Variants in CCDC88A observed in about 807,000 individuals in gnomAD.
The protein encoded by CCDC88A is coiled-coil and HOOK domain protein 88A, also known as girdin.
In CCDC88A, 54 loss-of-function variants were observed where a neutral mutation model predicts 234.3. The ratio of observed to expected loss-of-function variants is 0.23; its 90% CI spans 0.19 to 0.29. The LOEUF (loss-of-function observed/expected upper bound fraction) is 0.29, where lower values mean the gene tolerates loss of function less well. Ranked by LOEUF, CCDC88A falls within the 10% of genes least tolerant of loss-of-function variation. The probability of loss-of-function intolerance (pLI) is 1.00; values close to 1 mark genes in which losing one functional copy is unlikely to be tolerated. For missense variants in CCDC88A, 1,832 were observed against 2,123.4 expected (o/e 0.86, Z 2.70); for synonymous variants, 753 against 737.8 (o/e 1.02, Z -0.33).
chr2:55,353,031 G>T (rs997482702), intron 8 of CCDC88A, among the ~76,000 whole-genome samples: 2 of 152,122 alleles, frequency 1.3e-5, no homozygotes, highest in African/African-American at 4.8e-5. Flanking sequence ...GAAGATATTA[G>T]ATGGTATTTG....
intron 6 of CCDC88A, 128 bp from the exon 7 acceptor site, chr2:55,362,576 TA>T (rs1213320041): frequency 1.9e-5 from 12 of 620,394 alleles, no homozygotes; most frequent in Admixed American, 4.1e-5. Flanking sequence ...AATATGATGT[TA>T]AAAGGAGAAC....
intron 2 of CCDC88A, among the ~76,000 whole-genome samples, chr2:55,414,820 C>G (rs1343576903): frequency 6.6e-6 from 1 of 151,954 alleles, no homozygotes; most frequent in Non-Finnish European, 1.5e-5. Flanking sequence ...AATCCCAGCA[C>G]TTTGGGAGGC....
At chr2:55,405,096 C>T (rs933466083) in intron 2 of CCDC88A, 1 of 152,208 alleles carries the variant, frequency 6.6e-6, no homozygotes, top group Non-Finnish European at 1.5e-5. Flanking sequence ...TTGTACTATT[C>T]CTCAACTTGG....
intron 26 of CCDC88A, 40 bp downstream of exon 26, chr2:55,303,029 G>A (rs759914557): frequency 1.9e-5 from 23 of 1,198,376 alleles, no homozygotes; most frequent in Non-Finnish European, 2.4e-5. Context: ...GAAAGCCAGT[G>A]TAGTCAGTTG....
rs141098812 is a variant in CCDC88A, at chr2:55,419,490, A to G, written c.-411T>C. The G allele has an allele frequency of 9.7e-5, 18 of 184,690 alleles. No individual in the cohort carries two copies. In the East Asian group the frequency reaches 2.8e-3, roughly 29 times the overall value. The allele number at this position is 184,690 out of a possible 1,614,324, so 11.4% of individuals were successfully genotyped here. ...CAACGGGGGCTAAATGAAATACGTT[A>G]AACAGAGACCACGTTAAGGATACCG... On this transcript the variant is annotated 5_prime_UTR_variant, in exon 1 of 33. Coordinates refer to ENST00000436346, the MANE Select transcript of CCDC88A (RefSeq NM_001365480.1).
chr2:55,297,952 A>G (rs1220457850), intron 29 of CCDC88A, among the ~76,000 whole-genome samples: 1 of 152,192 alleles, frequency 6.6e-6, no homozygotes, highest in East Asian at 1.9e-4. Flanking sequence ...ATACAATCAA[A>G]TATGTAGTGC....
chr2:55,396,390 G>A (rs1200328644), intron 2 of CCDC88A, among the ~76,000 whole-genome samples: 2 of 151,800 alleles, frequency 1.3e-5, no homozygotes, highest in African/African-American at 2.4e-5. Flanking sequence ...TCTCATCTAT[G>A]ACTGTCTCCT....
At chr2:55,406,822 C>A (rs1679669491) in intron 2 of CCDC88A, among the ~76,000 whole-genome samples, 1 of 152,022 alleles carries the variant, frequency 6.6e-6, no homozygotes, top group South Asian at 2.1e-4. Flanking sequence ...TTCCGTGGTC[C>A]TTCACCACCC....
intron 2 of CCDC88A, among the ~76,000 whole-genome samples, chr2:55,416,370 C>G (rs1681384088): frequency 7.3e-6 from 1 of 136,182 alleles, no homozygotes; most frequent in South Asian, 2.3e-4. Flanking sequence ...AGTTTTAAGA[C>G]AACATCAAAG....
intron 17 of CCDC88A, among the ~76,000 whole-genome samples, chr2:55,324,676 C>T (rs551398555): frequency 6.6e-5 from 10 of 151,684 alleles, no homozygotes; most frequent in Non-Finnish European, 1.3e-4. Context: ...GATGGAGTCT[C>T]GCTCTGTCGC....
At chr2:55,381,651 A>G (rs1238849346) in intron 3 of CCDC88A, among the ~76,000 whole-genome samples, 1 of 152,182 alleles carries the variant, frequency 6.6e-6, no homozygotes, top group Non-Finnish European at 1.5e-5. Flanking sequence ...TGTAAGAAAG[A>G]CTACTTCACA....
chr2:55,405,425 G>A (rs1163722317), intron 2 of CCDC88A: 1 of 152,036 alleles, frequency 6.6e-6, no homozygotes, highest in East Asian at 1.9e-4. Context: ...ACAGATTAAT[G>A]AAAGAAAAGA....
At chr2:55,388,699 T>G in intron 3 of CCDC88A, 79 bp downstream of exon 3, 1 of 643,508 alleles carries the variant, frequency 1.6e-6, no homozygotes. Context: ...CGTTTAAATA[T>G]TTGTGAGATG....
intron 3 of CCDC88A, among the ~76,000 whole-genome samples, chr2:55,384,773 C>T (rs1331022575): frequency 6.6e-6 from 1 of 151,386 alleles, no homozygotes; most frequent in Non-Finnish European, 1.5e-5. Flanking sequence ...TCGTGCGCCT[C>T]AGCCTCCCAA....
Position 55,335,230 on chromosome 2 carries a change from C to CA in CCDC88A, c.1657-67dup. 1.0e-6 allele frequency: 1 copy of CA among 995,038 alleles called. No homozygotes were observed. 61.6% of individuals were successfully genotyped at this position (995,038 alleles called of 1,614,324 possible). On this transcript the variant is annotated intron_variant, in intron 14 of 32. Transcript: ENST00000436346. This position sits in a 1 kb window ranked among gnomAD's most constrained non-coding sequence, Gnocchi z 4.5. ...AAAACTAACTATGGTTTATCTCTTC[C>CA]AAAAACTACCAAGAAAAGGGGAACA... is the stretch of plus-strand genomic sequence containing the variant.
rs1679276518 is a variant in CCDC88A, at chr2:55,289,235, G to A, written c.*1965C>T. ...CTACATCACCACCCATTAAATTTCA[G>A]CTTTTCAGTAATTGTTCTGGGATGT... On this transcript the variant is annotated 3_prime_UTR_variant, in exon 33 of 33. Transcript: ENST00000436346. The A allele has an allele frequency of 6.6e-6, 1 of 152,582 alleles. No individual in the cohort carries two copies. The highest frequency in any genetic ancestry group is 2.4e-5 in the African/African-American group (1 of 41,436). 9.5% of individuals were successfully genotyped at this position (152,582 alleles called of 1,614,324 possible).
intron 7 of CCDC88A, among the ~76,000 whole-genome samples, chr2:55,358,504 TTGC>T (rs1247421069): frequency 1.3e-5 from 2 of 152,138 alleles, no homozygotes; most frequent in Non-Finnish European, 2.9e-5. Flanking sequence ...TATTGAAATC[TTGC>T]TGATTTCCTT....
In CCDC88A at chr2:55,328,260, G is replaced by T. The variant is rs1054476132; in HGVS notation, c.2997+34C>A. The T allele has an allele frequency of 2.1e-6, 3 of 1,445,154 alleles. No individual in the cohort carries two copies. Among genetic ancestry groups the T allele is most frequent in the Non-Finnish European group, 1.9e-6 (2 of 1,067,666 alleles). 89.5% of individuals were successfully genotyped at this position (1,445,154 alleles called of 1,614,324 possible). ...CTGTCCAAATATTTATATAATAAAT[G>T]ATCCTTAAAATTCTTTCCAAGAAAA... On this transcript the variant is annotated intron_variant, in intron 17 of 32. Coordinates refer to ENST00000436346, the MANE Select transcript of CCDC88A (RefSeq NM_001365480.1). The surrounding 1 kb of genome is among the most constrained non-coding windows in gnomAD (Gnocchi z 4.3).
At chr2:55,326,317 C>T (rs1023875492) in intron 17 of CCDC88A, among the ~76,000 whole-genome samples, 1 of 151,932 alleles carries the variant, frequency 6.6e-6, no homozygotes, top group African/African-American at 2.4e-5. Context: ...TGTGCCTAGC[C>T]TGGATTTATT....
Sources: gnomAD v4.1 joint callset for allele counts (sites outside exome capture counted in the v4.1 genomes callset) on GRCh38, gnomAD v4.1.1 for gene constraint, Gnocchi (gnomAD v3.1) non-coding constraint, MANE v1.5 for transcripts, NCBI Gene and HGNC (gene_info 2026-07-23, HGNC 2026-07-21) for gene names.